Variants in TSC22D1 observed in about 807,000 individuals in gnomAD.
TSC22D1 encodes TSC22 domain family member 1.
A neutral mutation model predicts 74.2 loss-of-function variants in TSC22D1; 9 were observed. The ratio of observed to expected loss-of-function variants is 0.12; its 90% CI spans 0.07 to 0.21. The LOEUF (loss-of-function observed/expected upper bound fraction) is 0.21. Ranked by LOEUF, TSC22D1 falls within the 10% of genes least tolerant of loss-of-function variation. The pLI is 1.00. For synonymous variants in TSC22D1, 586 were observed against 492.5 expected (o/e 1.19, Z -2.51); for missense variants, 1,427 against 1,304.7 (o/e 1.09, Z -1.44).
intron 1 of TSC22D1, among the ~76,000 whole-genome samples, chr13:44,532,933 G>T (rs1385331127): frequency 6.6e-6 from 1 of 152,102 alleles, no homozygotes; most frequent in African/African-American, 2.4e-5. Flanking sequence ...TTGCTCTGTC[G>T]TCTCAAACTA....
chr13:44,478,170 A>T (rs1878012815), intron 1 of TSC22D1, among the ~76,000 whole-genome samples: 1 of 152,192 alleles, frequency 6.6e-6, no homozygotes. Flanking sequence ...AAATCACAAC[A>T]TTCTCTTAGA....
chr13:44,560,315 T>TG (rs66468603), intron 1 of TSC22D1, among the ~76,000 whole-genome samples: 88 of 151,592 alleles, frequency 5.8e-4, no homozygotes, highest in East Asian at 1.4e-3. Flanking sequence ...AGAGAAAAAT[T>TG]GGGGGGGGAT....
chr13:44,556,536 G>A (rs183563177), intron 1 of TSC22D1, among the ~76,000 whole-genome samples: 33 of 147,850 alleles, frequency 2.2e-4, no homozygotes, highest in Non-Finnish European at 3.9e-4. Flanking sequence ...AGAATGAGAC[G>A]CCATCTCAAA....
At chr13:44,521,093 T>G (rs1880292214) in intron 1 of TSC22D1, among the ~76,000 whole-genome samples, 1 of 152,136 alleles carries the variant, frequency 6.6e-6, no homozygotes, top group Non-Finnish European at 1.5e-5. Context: ...GAGCAAAAGC[T>G]CAGTGCGCTA....
intron 2 of TSC22D1, among the ~76,000 whole-genome samples, chr13:44,435,538 C>A (rs1874515231): frequency 6.6e-6 from 1 of 152,190 alleles, no homozygotes; most frequent in Non-Finnish European, 1.5e-5. Context: ...AATCCAGGCG[C>A]AGGCTAAGAA....
At chr13:44,527,123 A>G (rs184536441) in intron 1 of TSC22D1, among the ~76,000 whole-genome samples, 117 of 152,256 alleles carry the variant, frequency 7.7e-4, no homozygotes, top group Non-Finnish European at 1.4e-3. Flanking sequence ...AGAAAAAAAG[A>G]CTTTCTCAGA....
intron 1 of TSC22D1, among the ~76,000 whole-genome samples, chr13:44,438,546 A>G (rs1372846926): frequency 6.6e-6 from 1 of 152,254 alleles, no homozygotes; most frequent in African/African-American, 2.4e-5. Context: ...GTTAAAAACC[A>G]AAGTGTGACC....
In TSC22D1 at chr13:44,472,305, C is replaced by A. The variant is rs183834203; in HGVS notation, c.2913-36210G>T. Among the ~76,000 whole-genome samples, 9 of 152,250 alleles carry A rather than the reference C, an allele frequency of 5.9e-5. No homozygotes were observed. The East Asian group carries it at 1.7e-3, about 29-fold the overall frequency. On this transcript the variant is annotated intron_variant, in intron 1 of 2. Coordinates refer to ENST00000458659, the MANE Select transcript of TSC22D1 (RefSeq NM_183422.4). ...TGGCATTTTTCTGTTATACAGCATC[C>A]TTTGAATTCTTCTATTTAACAAATA...
chr13:44,479,327 T>G (rs1389370323), intron 1 of TSC22D1, among the ~76,000 whole-genome samples: 1 of 151,334 alleles, frequency 6.6e-6, no homozygotes, highest in African/African-American at 2.4e-5. Context: ...CTGTGATTTT[T>G]TTTTTTTTTT....
intron 1 of TSC22D1, chr13:44,451,441 G>A (rs1409243579): frequency 6.6e-6 from 1 of 151,776 alleles, no homozygotes; most frequent in Middle Eastern, 3.2e-3. Flanking sequence ...AGAGAAGAGA[G>A]AGCTTTGATT....
chr13:44,505,978 G>A (rs1474209078), intron 1 of TSC22D1, among the ~76,000 whole-genome samples: 1 of 152,128 alleles, frequency 6.6e-6, no homozygotes, highest in East Asian at 1.9e-4. Flanking sequence ...GAAATAGGTA[G>A]GAAAATGAGA....
intron 1 of TSC22D1, chr13:44,538,371 T>C (rs1458793114): frequency 2.0e-6 from 2 of 985,220 alleles, no homozygotes; most frequent in East Asian, 2.3e-4. Flanking sequence ...AGTTTTCGAA[T>C]AATTAAGAAG....
Position 44,434,153 on chromosome 13 carries a change from C to A in TSC22D1, c.*473G>T. On this transcript the variant is annotated 3_prime_UTR_variant, in exon 3 of 3. Coordinates refer to ENST00000458659, the MANE Select transcript of TSC22D1 (RefSeq NM_183422.4). ...TCAAATTTGTACAGTGAACTCTGTT[C>A]CCCCTCATTTTAGTCTTTTTACCCT... 1 of 1,484,740 alleles carries A rather than the reference C, an allele frequency of 6.7e-7. No individual in the cohort carries two copies. Among genetic ancestry groups the A allele is most frequent in the Non-Finnish European group, 8.8e-7 (1 of 1,131,908 alleles). The allele number at this position is 1,484,740 out of a possible 1,614,324, so 92.0% of individuals were successfully genotyped here. A position where few individuals can be genotyped will look rare whatever the true frequency, so the allele number is the denominator to read the frequency against.
chr13:44,449,313 C>T (rs1014527914), intron 1 of TSC22D1, among the ~76,000 whole-genome samples: 39 of 152,224 alleles, frequency 2.6e-4, no homozygotes, highest in African/African-American at 8.4e-4. Context: ...CACTTGCTGA[C>T]GGACACATTA....
chr13:44,523,837 T>A (rs1456703255), intron 1 of TSC22D1, among the ~76,000 whole-genome samples: 3 of 152,168 alleles, frequency 2.0e-5, no homozygotes, highest in African/African-American at 7.2e-5. Flanking sequence ...CAAGGTGGCT[T>A]CCTTAAGATG....
At chr13:44,560,122 T>C (rs1254380491) in intron 1 of TSC22D1, among the ~76,000 whole-genome samples, 1 of 152,132 alleles carries the variant, frequency 6.6e-6, no homozygotes, top group East Asian at 1.9e-4. Context: ...TTCCTTGATA[T>C]AGTATTTGAT....
At chr13:44,460,144 G>T (rs1876920726) in intron 1 of TSC22D1, among the ~76,000 whole-genome samples, 1 of 152,168 alleles carries the variant, frequency 6.6e-6, no homozygotes, top group Admixed American at 6.5e-5. Flanking sequence ...AAAAGAACCT[G>T]GCTCTTTCCA....
At chr13:44,546,779 T>TATGTATG (rs1337166453) in intron 1 of TSC22D1, among the ~76,000 whole-genome samples, 4 of 147,628 alleles carry the variant, frequency 2.7e-5, no homozygotes, top group Non-Finnish European at 6.0e-5. Context: ...TGTGTGTAGG[T>TATGTATG]ATGTATGTAT....
In TSC22D1 at chr13:44,434,216, G is replaced by A; in HGVS notation, c.*410C>T. The A allele has an allele frequency of 7.0e-7, 1 of 1,438,606 alleles. No homozygotes were observed. The highest frequency in any genetic ancestry group is 1.5e-5 in the South Asian group (1 of 65,332). 89.1% of individuals were successfully genotyped at this position (1,438,606 alleles called of 1,614,324 possible). A position where few individuals can be genotyped will look rare whatever the true frequency, so the allele number is the denominator to read the frequency against. ...CTCCTGGGGGGAGGAGAGGAGAGAG[G>A]CGAGTCCAGTGAGGAGCTCCATCGC... On this transcript the variant is annotated 3_prime_UTR_variant, in exon 3 of 3. Coordinates refer to ENST00000458659, the MANE Select transcript of TSC22D1 (RefSeq NM_183422.4).
Sources: gnomAD v4.1 joint callset for allele counts (sites outside exome capture counted in the v4.1 genomes callset) on GRCh38, gnomAD v4.1.1 for gene constraint, MANE v1.5 for transcripts, NCBI Gene and HGNC (gene_info 2026-07-23, HGNC 2026-07-21) for gene names.